Variants in NEDD4 observed in about 807,000 individuals in gnomAD.
NEDD4 encodes the protein E3 ubiquitin-protein ligase NEDD4.
In NEDD4, 99 loss-of-function variants were observed where a neutral mutation model predicts 144.9. The ratio of observed to expected loss-of-function variants is 0.68; its 90% CI spans 0.58 to 0.81. The LOEUF (loss-of-function observed/expected upper bound fraction) is 0.81. Among genes scored for constraint, NEDD4 ranks in the 30% least tolerant of loss-of-function variants. The pLI is 0.00. For missense variants in NEDD4, 985 were observed against 1,065.9 expected (o/e 0.92, Z 1.06); for synonymous variants, 318 against 350.6 (o/e 0.91, Z 1.04).
At chr15:55,976,589 C>A (rs72734385) in intron 1 of NEDD4, among the ~76,000 whole-genome samples, 7 of 151,014 alleles carry the variant, frequency 4.6e-5, no homozygotes, top group Non-Finnish European at 7.4e-5. Flanking sequence ...CTGGCAAGAA[C>A]GTGGCAAAAG....
At chr15:55,918,515 T>A (rs1209613457) in intron 5 of NEDD4, among the ~76,000 whole-genome samples, 1 of 152,006 alleles carries the variant, frequency 6.6e-6, no homozygotes, top group East Asian at 1.9e-4. Flanking sequence ...TACACCCAAG[T>A]TGTATTTTGC....
In NEDD4 at chr15:55,838,200, C is replaced by A; in HGVS notation, c.2128-20G>T. 6.6e-7 allele frequency: 1 copy of A among 1,523,320 alleles called. No homozygotes were observed. Among genetic ancestry groups the A allele is most frequent in the Non-Finnish European group, 9.0e-7 (1 of 1,116,044 alleles). 94.4% of individuals were successfully genotyped at this position (1,523,320 alleles called of 1,614,324 possible). Reference sequence around the variant, plus strand: ...ATGTGTCTAAAATTAAACACAATAACTTGATATGTTATTTTAGCGAGAAAA... The same window carrying A: ...ATGTGTCTAAAATTAAACACAATAAATTGATATGTTATTTTAGCGAGAAAA... On this transcript the variant is annotated intron_variant, in intron 22 of 28. Transcript: ENST00000435532.
intron 8 of NEDD4, among the ~76,000 whole-genome samples, chr15:55,869,003 C>T (rs1037294727): frequency 6.6e-6 from 1 of 152,176 alleles, no homozygotes; most frequent in Admixed American, 6.5e-5. Flanking sequence ...CAAATACATA[C>T]TTTCTGCCTC....
In NEDD4 at chr15:55,978,922, CAA is replaced by C. The variant is rs61198421; in HGVS notation, c.46-12378_46-12377del. 3.7e-3 allele frequency among the ~76,000 whole-genome samples: 480 copies of C among 128,810 alleles called. 2 individuals carry two copies. The highest frequency in any genetic ancestry group is 0.011 in the African/African-American group (400 of 35,008). The allele number at this position is 128,810 out of a possible 152,430, so 84.5% of individuals were successfully genotyped here. A position where few individuals can be genotyped will look rare whatever the true frequency, so the allele number is the denominator to read the frequency against. ...ACTGCTCTTCAATTTCTTGACAACGCAAAAAAAAAAAAAAAACAAGAACAGAA... is the reference window on the plus strand; with the variant it reads ...ACTGCTCTTCAATTTCTTGACAACGCAAAAAAAAAAAAAACAAGAACAGAA... On this transcript the variant is annotated intron_variant, in intron 1 of 28. Coordinates refer to ENST00000435532, the MANE Select transcript of NEDD4 (RefSeq NM_006154.4).
chr15:55,863,460 A>G (rs532048100), intron 8 of NEDD4, among the ~76,000 whole-genome samples: 4 of 152,200 alleles, frequency 2.6e-5, no homozygotes, highest in Admixed American at 6.5e-5. Flanking sequence ...AAGTAATAAA[A>G]GTATGTGAGG....
intron 4 of NEDD4, among the ~76,000 whole-genome samples, chr15:55,926,756 A>C (rs2036674158): frequency 6.6e-6 from 1 of 151,890 alleles, no homozygotes; most frequent in South Asian, 2.1e-4. Context: ...ACAGAGTGCA[A>C]ACCTGTCCCC....
At chr15:55,984,840 T>G (rs981771813) in intron 1 of NEDD4, among the ~76,000 whole-genome samples, 1 of 152,220 alleles carries the variant, frequency 6.6e-6, no homozygotes, top group Non-Finnish European at 1.5e-5. Flanking sequence ...AGAAGTAACA[T>G]CAATTGCCAC....
intron 4 of NEDD4, among the ~76,000 whole-genome samples, chr15:55,942,356 C>G (rs535299065): frequency 6.6e-6 from 1 of 152,096 alleles, no homozygotes; most frequent in Non-Finnish European, 1.5e-5. Context: ...GGAATTATGT[C>G]TCTGCCAAAA....
intron 5 of NEDD4, among the ~76,000 whole-genome samples, chr15:55,918,409 A>G (rs1160241905): frequency 1.3e-5 from 2 of 152,170 alleles, no homozygotes; most frequent in Non-Finnish European, 2.9e-5. Flanking sequence ...CCCCTCACCT[A>G]AATTTTATAG....
intron 5 of NEDD4, among the ~76,000 whole-genome samples, chr15:55,903,515 G>T (rs1410763276): frequency 6.6e-6 from 1 of 152,028 alleles, no homozygotes; most frequent in Admixed American, 6.6e-5. Flanking sequence ...CAAATATAAG[G>T]CTAAGGGTTT....
chr15:55,968,006 A>C (rs113900813), intron 1 of NEDD4, among the ~76,000 whole-genome samples: 1 of 152,216 alleles, frequency 6.6e-6, no homozygotes, highest in African/African-American at 2.4e-5. Flanking sequence ...TTATTTTAAA[A>C]AATTTATAAA....
At chr15:55,943,818 C>A (rs1021716745) in intron 4 of NEDD4, among the ~76,000 whole-genome samples, 39 of 152,140 alleles carry the variant, frequency 2.6e-4, no homozygotes, top group African/African-American at 9.4e-4. Flanking sequence ...GGGAGATTGA[C>A]TAACCGCTTG....
chr15:55,951,598 A>G lies in NEDD4; in HGVS notation c.120-9T>C. 1 of 1,376,874 alleles carries G rather than the reference A, an allele frequency of 7.3e-7. No individual in the cohort carries two copies. The highest frequency in any genetic ancestry group is 9.5e-7 in the Non-Finnish European group (1 of 1,047,316). The allele number at this position is 1,376,874 out of a possible 1,614,324, so 85.3% of individuals were successfully genotyped here. On this transcript the variant is annotated splice_polypyrimidine_tract_variant and intron_variant, in intron 2 of 28. Transcript: ENST00000435532. ...CTCTCACGTAAGGATCACTGTTAAAAAAAAAAAAAAAAAGAAAGAAAAATT... is the reference window on the plus strand; with the variant it reads ...CTCTCACGTAAGGATCACTGTTAAAGAAAAAAAAAAAAAGAAAGAAAAATT...
intron 7 of NEDD4, among the ~76,000 whole-genome samples, chr15:55,870,579 G>A (rs560469520): frequency 6.8e-6 from 1 of 147,350 alleles, no homozygotes; most frequent in African/African-American, 2.5e-5. Flanking sequence ...TGTCGCCCAG[G>A]ATGAAGCACA....
intron 1 of NEDD4, among the ~76,000 whole-genome samples, chr15:55,972,478 A>T (rs995773149): frequency 6.6e-6 from 1 of 152,208 alleles, no homozygotes; most frequent in African/African-American, 2.4e-5. Flanking sequence ...GCATTGTAAG[A>T]TGTTAATTGC....
chr15:55,848,384 T>C lies in NEDD4; in HGVS notation c.1530A>G (p.Ala510=). The C allele has an allele frequency of 1.2e-6, 2 of 1,614,176 alleles. No individual in the cohort carries two copies. The highest frequency in any genetic ancestry group is 2.7e-5 in the African/African-American group (2 of 75,054). ...QWEDPRLENV[A]ITGPAVPYSR... is the part of the protein sequence containing the mutation. ...CAGAGAGACTTACTGGTCCAGTTAT[T>C]GCTACATTCTCCAACCGAGGATCTT... Residue 510 remains alanine, a synonymous_variant, in exon 17 of 29, where the codon GCA becomes GCG. Coordinates refer to ENST00000435532, the MANE Select transcript of NEDD4 (RefSeq NM_006154.4).
intron 1 of NEDD4, among the ~76,000 whole-genome samples, chr15:55,967,989 C>G (rs1173452725): frequency 9.9e-5 from 15 of 152,024 alleles, no homozygotes; most frequent in African/African-American, 3.4e-4. Context: ...GGTGACAGAG[C>G]AAGACCTTAT....
chr15:55,916,815 C>T (rs2036465817), intron 5 of NEDD4: 2 of 1,602,114 alleles, frequency 1.2e-6, no homozygotes, highest in Admixed American at 1.7e-5. Context: ...AAAGTGCAAT[C>T]GTAAGCTTTG....
In NEDD4 at chr15:55,829,210, T is replaced by C. The variant is rs2032827495; in HGVS notation, c.*687A>G. The C allele has an allele frequency of 6.6e-6, 1 of 152,262 alleles. No individual in the cohort carries two copies. The highest frequency in any genetic ancestry group is 2.4e-5 in the African/African-American group (1 of 41,466). 9.4% of individuals were successfully genotyped at this position (152,262 alleles called of 1,614,324 possible). On this transcript the variant is annotated 3_prime_UTR_variant, in exon 29 of 29. Transcript: ENST00000435532. ...ATATGAATTTGCTTCACATGTCTTA[T>C]GAACCATCTGTTTAGTAAAACTGCA...
Sources: allele counts gnomAD v4.1 joint callset (sites outside exome capture counted in the v4.1 genomes callset), GRCh38; gene constraint gnomAD v4.1.1; transcripts MANE v1.5; gene names NCBI Gene and HGNC (gene_info 2026-07-23, HGNC 2026-07-21).